The following GLIS3 variants were observed in gnomAD, a reference collection of about 807,000 sequenced individuals.
The protein encoded by GLIS3 is zinc finger protein GLIS3.
Under a neutral mutation model 78.6 loss-of-function variants are expected in GLIS3, and 53 were observed. That is an observed-to-expected ratio of 0.67 (90% CI 0.54 to 0.85). GLIS3 has a LOEUF of 0.85. Among genes scored for constraint, GLIS3 ranks in the 40% least tolerant of loss-of-function variants. The pLI is 0.00. For missense variants in GLIS3, 1,703 were observed against 1,231.1 expected (o/e 1.38, Z -5.74); for synonymous variants, 684 against 509.9 (o/e 1.34, Z -4.60).
intron 2 of GLIS3, among the ~76,000 whole-genome samples, chr9:4,158,551 C>G (rs1185002711): frequency 6.6e-6 from 1 of 152,214 alleles, no homozygotes; most frequent in Non-Finnish European, 1.5e-5. Context: ...CCCCGATATG[C>G]TGAGATACAG....
intron 4 of GLIS3, among the ~76,000 whole-genome samples, chr9:4,010,758 C>T (rs1821938299): frequency 6.6e-6 from 1 of 152,164 alleles, no homozygotes; most frequent in South Asian, 2.1e-4. Flanking sequence ...TCTAATAGTT[C>T]TGTAAGGCAT....
At chr9:3,913,922 G>A (rs1341177100) in intron 6 of GLIS3, among the ~76,000 whole-genome samples, 1 of 152,172 alleles carries the variant, frequency 6.6e-6, no homozygotes, top group East Asian at 1.9e-4. Flanking sequence ...GTAAATGAAT[G>A]AATGACAAAT....
chr9:4,074,302 T>C (rs900258581), intron 4 of GLIS3, among the ~76,000 whole-genome samples: 8 of 152,208 alleles, frequency 5.3e-5, no homozygotes, highest in African/African-American at 1.9e-4. Context: ...CCTCATCATC[T>C]GGGCTTTGTC....
the GLIS3 span, among the ~76,000 whole-genome samples, chr9:4,440,630 T>A: frequency 6.6e-6 from 1 of 152,224 alleles, no homozygotes; most frequent in Non-Finnish European, 1.5e-5. Context: ...TTGGTCAGAA[T>A]TGCTTTGACT....
intron 4 of GLIS3, among the ~76,000 whole-genome samples, chr9:3,985,278 G>A (rs1409969708): frequency 6.6e-6 from 1 of 152,094 alleles, no homozygotes; most frequent in Non-Finnish European, 1.5e-5. Flanking sequence ...GAGTAGCTGG[G>A]ACCACAGGTG....
At chr9:4,297,794 T>G (rs1420444196) in intron 1 of GLIS3, among the ~76,000 whole-genome samples, 1 of 152,142 alleles carries the variant, frequency 6.6e-6, no homozygotes, top group Non-Finnish European at 1.5e-5. Flanking sequence ...AGACCACTCC[T>G]GCCAAGAGGA....
chr9:3,898,500 T>C (rs1823036057), intron 7 of GLIS3, 191 bp downstream of exon 7: 2 of 682,056 alleles, frequency 2.9e-6, no homozygotes, highest in South Asian at 1.6e-5. Context: ...TTTATTTCTT[T>C]ATGAGAAAAA....
intron 4 of GLIS3, among the ~76,000 whole-genome samples, chr9:3,971,140 G>T (rs1818354071): frequency 6.6e-6 from 1 of 150,476 alleles, no homozygotes; most frequent in Admixed American, 6.6e-5. Context: ...GGAAGGAAGG[G>T]AGCCTTATGC....
chr9:4,363,358 G>T, the GLIS3 span, among the ~76,000 whole-genome samples: 2 of 152,174 alleles, frequency 1.3e-5, no homozygotes, highest in Non-Finnish European at 2.9e-5. Context: ...CTGAGGCAGA[G>T]GTTGCAGTGA....
chr9:4,186,764 T>C (rs1433490211), intron 2 of GLIS3, among the ~76,000 whole-genome samples: 1 of 152,242 alleles, frequency 6.6e-6, no homozygotes, highest in Non-Finnish European at 1.5e-5. Flanking sequence ...GATGAGCTTT[T>C]TTTCATGTGT....
intron 4 of GLIS3, among the ~76,000 whole-genome samples, chr9:4,071,575 G>A (rs1470076409): frequency 3.3e-5 from 5 of 152,202 alleles, no homozygotes; most frequent in African/African-American, 1.2e-4. Context: ...TTTAAAAGGA[G>A]TGCATGAATA....
chr9:4,112,414 A>T lies in GLIS3; in HGVS notation c.1710+5354T>A, dbSNP rs75248219. Reference sequence around the variant, plus strand: ...ACACTACATCCCTGCATCTTAACAGAAGTAACAGGGTAGGCTTTTATTTAT... The same window carrying T: ...ACACTACATCCCTGCATCTTAACAGTAGTAACAGGGTAGGCTTTTATTTAT... On this transcript the variant is annotated intron_variant, in intron 4 of 10. Coordinates refer to ENST00000381971, the MANE Select transcript of GLIS3 (RefSeq NM_001042413.2). Among the ~76,000 whole-genome samples, 1,201 of 152,348 alleles carry T rather than the reference A, an allele frequency of 7.9e-3. 13 individuals carry two copies. The highest frequency in any genetic ancestry group is 0.028 in the African/African-American group (1,160 of 41,578).
At chr9:4,221,260 G>A (rs1473923005) in intron 2 of GLIS3, among the ~76,000 whole-genome samples, 3 of 151,976 alleles carry the variant, frequency 2.0e-5, no homozygotes, top group Admixed American at 1.3e-4. Context: ...TAAAATTCAG[G>A]GAATCTGGGT....
At chr9:3,952,406 C>T (rs557010929) in intron 4 of GLIS3, among the ~76,000 whole-genome samples, 2 of 152,108 alleles carry the variant, frequency 1.3e-5, no homozygotes, top group South Asian at 2.1e-4. Flanking sequence ...TGTCTGATCC[C>T]GGCCAGGCTC....
At chr9:4,242,989 TCTGCCTTGTATGTA>T (rs1046915006) in intron 2 of GLIS3, among the ~76,000 whole-genome samples, 125 of 152,302 alleles carry the variant, frequency 8.2e-4, no homozygotes, top group African/African-American at 2.0e-3. Context: ...ACAGAAAAGC[TCTGCCTTGTATGTA>T]CATCAATGAG....
intron 4 of GLIS3, among the ~76,000 whole-genome samples, chr9:3,948,041 A>G (rs1816416901): frequency 6.6e-6 from 1 of 152,234 alleles, no homozygotes; most frequent in Admixed American, 6.5e-5. Flanking sequence ...CAAAGGGGTG[A>G]TCTCAGAGTG....
intron 9 of GLIS3, among the ~76,000 whole-genome samples, chr9:3,837,658 G>C (rs1187809869): frequency 6.6e-6 from 1 of 152,192 alleles, no homozygotes; most frequent in Non-Finnish European, 1.5e-5. Context: ...ATATTGCTGA[G>C]TGAAAGAAGC....
intron 3 of GLIS3, among the ~76,000 whole-genome samples, chr9:4,309,809 G>C (rs1009586535): frequency 3.9e-5 from 6 of 151,984 alleles, no homozygotes; most frequent in Non-Finnish European, 8.8e-5. Context: ...ACTCAGCTTA[G>C]AAGCGCTGGG....
chr9:4,000,084 C>G (rs987613768), intron 4 of GLIS3, among the ~76,000 whole-genome samples: 3 of 152,012 alleles, frequency 2.0e-5, no homozygotes, highest in African/African-American at 7.2e-5. Context: ...ATCCAAATAT[C>G]CATGATGGTT....
Sources: gnomAD v4.1 joint callset for allele counts (sites outside exome capture counted in the v4.1 genomes callset) on GRCh38, gnomAD v4.1.1 for gene constraint, MANE v1.5 for transcripts, NCBI Gene and HGNC (gene_info 2026-07-23, HGNC 2026-07-21) for gene names.